Variants in PLCB2 observed in about 807,000 individuals in gnomAD.
PLCB2 encodes 1-phosphatidylinositol 4,5-bisphosphate phosphodiesterase beta-2.
Under a neutral mutation model 141.7 loss-of-function variants are expected in PLCB2, and 115 were observed. The observed-to-expected ratio is 0.81, with a 90% CI of 0.70 to 0.95. PLCB2 has a LOEUF of 0.95. PLCB2 is among the 40% of genes least tolerant of loss of function. The pLI, the probability that PLCB2 is intolerant of heterozygous loss-of-function variation, is 0.00. For synonymous variants in PLCB2, 603 were observed against 595.6 expected, an observed-to-expected ratio of 1.01 and a Z score of -0.18; for missense variants, 1,403 against 1,541.1, an observed-to-expected ratio of 0.91 and a Z score of 1.50.
downstream of PLCB2, among the ~76,000 whole-genome samples, chr15:40,284,892 G>A (rs1238431075): frequency 1.3e-5 from 2 of 150,804 alleles, no homozygotes; most frequent in African/African-American, 4.9e-5. Context: ...GGTTCTGGAG[G>A]CAAAGGCTTG....
intron 24 of PLCB2, 61 bp from the exon 25 acceptor site, chr15:40,291,711 T>C (rs1595638276): frequency 6.2e-7 from 1 of 1,606,242 alleles, no homozygotes; most frequent in Non-Finnish European, 8.5e-7. Context: ...TCCGTTCGCC[T>C]CCTCCACACC....
At chr15:40,290,699 TG>T in intron 28 of PLCB2, 27 bp from the exon 29 acceptor site, 4 of 1,611,894 alleles carry the variant, frequency 2.5e-6, no homozygotes, top group Non-Finnish European at 3.4e-6. Context: ...ATGAAGGAGC[TG>T]TTTTGTGCGG....
In PLCB2 at chr15:40,303,280, A is replaced by G. The variant is rs371517405; in HGVS notation, c.231+8T>C. 3.7e-6 allele frequency: 6 copies of G among 1,607,006 alleles called. No individual in the cohort carries two copies. The highest frequency in any genetic ancestry group is 5.1e-6 in the Non-Finnish European group (6 of 1,173,654). On this transcript the variant is annotated splice_region_variant and intron_variant, in intron 3 of 31. Coordinates refer to ENST00000260402, the MANE Select transcript of PLCB2 (RefSeq NM_004573.3). ...GCTTGAGCCTGGGCTGCTACTGGACACACCTACCTTGGGCATCTTGGCAAA... is the reference window on the plus strand; with the variant it reads ...GCTTGAGCCTGGGCTGCTACTGGACGCACCTACCTTGGGCATCTTGGCAAA...
chr15:40,307,110 GC>G (rs1440909921), intron 1 of PLCB2, among the ~76,000 whole-genome samples: 3 of 152,178 alleles, frequency 2.0e-5, no homozygotes, highest in Non-Finnish European at 4.4e-5. Context: ...TTTTGTGGCT[GC>G]CCCCACAGCA....
In PLCB2 at chr15:40,302,007, G is replaced by A. The variant is rs577044557; in HGVS notation, c.532C>T (p.Arg178Cys). Reference sequence around the variant, plus strand: ...CTGAGAGCAGCTTCCACCCGCTTGCGGTCAGCAGGAAACATCTGGAAAAAG... The same window carrying A: ...CTGAGAGCAGCTTCCACCCGCTTGCAGTCAGCAGGAAACATCTGGAAAAAG... ...KNFFQMFPAD[R>C]KRVEAALSAC... The change falls in exon 7 of 32, where the codon CGC becomes TGC. Residue 178 changes from arginine (R) to cysteine (C), a missense_variant. Arg to Cys is a radical substitution (Grantham distance 180). Around this residue, in one of 4 missense-constraint regions of PLCB2, gnomAD observed 975 missense variants for 1,141.1 expected, o/e 0.85. Coordinates refer to ENST00000260402, the MANE Select transcript of PLCB2 (RefSeq NM_004573.3). The A allele has an allele frequency of 4.3e-6, 7 of 1,614,154 alleles. No individual in the cohort carries two copies. Among genetic ancestry groups the A allele is most frequent in the South Asian group, 2.2e-5 (2 of 91,082 alleles).
intron 16 of PLCB2, among the ~76,000 whole-genome samples, chr15:40,295,770 G>A (rs2040177670): frequency 6.6e-6 from 1 of 152,124 alleles, no homozygotes; most frequent in Admixed American, 6.5e-5. Context: ...AGAAGTTAGT[G>A]CTACAGAAGT....
At chr15:40,300,438 A>G (rs2040447039) in intron 7 of PLCB2, among the ~76,000 whole-genome samples, 1 of 152,268 alleles carries the variant, frequency 6.6e-6, no homozygotes, top group Admixed American at 6.5e-5. Flanking sequence ...TATATACCCA[A>G]GAGAATTTAC....
In PLCB2 at chr15:40,291,608, G is replaced by A. The variant is rs757060414; in HGVS notation, c.2645C>T (p.Ala882Val). 4 of 1,613,276 alleles carry A rather than the reference G, an allele frequency of 2.5e-6. No individual in the cohort carries two copies. In the South Asian group the frequency reaches 3.3e-5, roughly 13 times the overall value. ...GAREEAMKEA[A>V]EPRTASLEEL... The stretch of plus-strand genomic sequence containing the variant: ...TCACCGGGCTCAGCAGGCCTTACCC[G>A]CAGCTTCTTTCATAGCCTCTTCCCT... Residue 882 changes from alanine (A) to valine (V), a missense_variant and splice_region_variant, in exon 25 of 32, where the codon GCG (alanine) becomes GTG (valine). Physicochemically the swap from Ala to Val is moderately conservative, Grantham distance 64. Transcript: ENST00000260402.
In PLCB2 at chr15:40,291,388, C is replaced by G. The variant is rs2039911414; in HGVS notation, c.2747G>C (p.Gly916Ala). ...CAGCAGCTCCTCCCAGCGCCGCGCT[C>G]CGCGCCGCTCCAACTCTCGCAGCTC... ...EKELRELERR[G>A]ARRWEELLQR... Residue 916 changes from glycine (G) to alanine (A), a missense_variant, in exon 26 of 32, where the codon GGA becomes GCA. This residue lies in a region of PLCB2 where 290 missense variants were observed against 245.9 expected (regional missense o/e 1.18). Transcript: ENST00000260402. 1 of 1,533,840 alleles carries G rather than the reference C, an allele frequency of 6.5e-7. No homozygotes were observed. The highest frequency in any genetic ancestry group is 1.2e-5 in the South Asian group (1 of 83,968).
chr15:40,288,969 A>G (rs1310746077), intron 31 of PLCB2, 51 bp from the exon 32 acceptor site: 1 of 1,595,756 alleles, frequency 6.3e-7, no homozygotes, highest in South Asian at 1.1e-5. Flanking sequence ...CCTGCTGGCC[A>G]CCCTCGCTCC....
chr15:40,297,876 C>T lies in PLCB2; in HGVS notation c.1238+1G>A, dbSNP rs371919575. ...GTGGCTGAATGGGCCTGGATACGCA[C>T]GAGTCCACATGGTTCTCAAACGACA... On this transcript the variant is annotated splice_donor_variant, in intron 12 of 31. Transcript: ENST00000260402. LOFTEE classifies it high-confidence loss of function. This position sits in a 1 kb window ranked among gnomAD's most constrained non-coding sequence, Gnocchi z 4.2. 5.6e-6 allele frequency: 9 copies of T among 1,611,558 alleles called. No homozygotes were observed. Among genetic ancestry groups the T allele is most frequent in the East Asian group, 2.2e-5 (1 of 44,878 alleles).
At position 40,290,350 on chromosome 15, in the gene PLCB2, C is replaced by T. The variant is rs142460261; in HGVS notation, c.3209+227G>A. On this transcript the variant is annotated intron_variant, in intron 29 of 31. Coordinates refer to ENST00000260402, the MANE Select transcript of PLCB2 (RefSeq NM_004573.3). ...AGGCTACAATCCCAAGGCCTCAGCT[C>T]CCTCCCTGCAGGCTTGGCTGCCTCC... Among the ~76,000 whole-genome samples, 294 of 152,342 alleles carry T rather than the reference C, an allele frequency of 1.9e-3. 2 individuals carry two copies. The highest frequency in any genetic ancestry group is 6.7e-3 in the African/African-American group (277 of 41,574).
At position 40,298,562 on chromosome 15, in the gene PLCB2, C is replaced by T; in HGVS notation, c.997G>A (p.Ala333Thr). ...TGGCACCAATGTTATCAGGGCCCACCTGTCAGGTAGGTGTTGTGGGACGAG... is the reference window on the plus strand; with the variant it reads ...TGGCACCAATGTTATCAGGGCCCACTTGTCAGGTAGGTGTTGTGGGACGAG... ...INSSHNTYLTAGQFSGLSSAE... is the reference protein window; with the variant it reads ...INSSHNTYLTTGQFSGLSSAE... Residue 333 changes from alanine to threonine, a missense_variant and splice_region_variant, in exon 10 of 32, where the codon GCC becomes ACC. Ala to Thr is a moderately conservative substitution (Grantham distance 58). Coordinates refer to ENST00000260402, the MANE Select transcript of PLCB2 (RefSeq NM_004573.3). 1 of 1,614,224 alleles carries T rather than the reference C, an allele frequency of 6.2e-7. No homozygotes were observed. The highest frequency in any genetic ancestry group is 8.5e-7 in the Non-Finnish European group (1 of 1,180,026).
chr15:40,288,987 G>A, intron 31 of PLCB2, 69 bp from the exon 32 acceptor site: 1 of 1,573,164 alleles, frequency 6.4e-7, no homozygotes, highest in South Asian at 1.2e-5. Context: ...TCCCTGGACA[G>A]TGGGAACAGG....
At position 40,306,730 on chromosome 15, in the gene PLCB2, T is replaced by C. The variant is rs1123486; in HGVS notation, c.84+859A>G. ...GGACAAGTCAGCACTAAGGGCTGTC[T>C]TCCCTCCCCCACCAAGCCTTCATTT... On this transcript the variant is annotated intron_variant, in intron 1 of 31. Coordinates refer to ENST00000260402, the MANE Select transcript of PLCB2 (RefSeq NM_004573.3). Among the ~76,000 whole-genome samples the C allele has an allele frequency of 8.4e-3, 1,274 of 152,272 alleles. 11 individuals are homozygous for C. The highest frequency in any genetic ancestry group is 0.041 in the South Asian group (197 of 4,820).
downstream of PLCB2, among the ~76,000 whole-genome samples, chr15:40,286,667 C>T (rs2039616423): frequency 1.3e-5 from 2 of 152,194 alleles, no homozygotes; most frequent in African/African-American, 4.8e-5. Context: ...TGCCCCAGTA[C>T]CCCAAGGGAA....
Position 40,302,285 on chromosome 15 carries a change from G to T in PLCB2, c.437C>A (p.Thr146Asn). ...HPLTANASRS[T>N]FLDKILVKLK... ...GGGCACTTACATCTTGTCCAGGAAG[G>T]TGCTGCGGGAGGCGTTGGCCGTCAG... The change falls in exon 5 of 32, where the codon ACC becomes AAC. Residue 146 changes from threonine (T) to asparagine (N), a missense_variant. Coordinates refer to ENST00000260402, the MANE Select transcript of PLCB2 (RefSeq NM_004573.3). The T allele has an allele frequency of 1.2e-6, 2 of 1,614,196 alleles. No homozygotes were observed. Among genetic ancestry groups the T allele is most frequent in the Non-Finnish European group, 1.7e-6 (2 of 1,180,018 alleles).
At chr15:40,304,129 C>G in intron 1 of PLCB2, 51 bp from the exon 2 acceptor site, 1 of 1,321,070 alleles carries the variant, frequency 7.6e-7, no homozygotes, top group African/African-American at 1.4e-5. Flanking sequence ...GGCCAAGCCT[C>G]CCTGGTCCAG....
chr15:40,303,307 T>A lies in PLCB2; in HGVS notation c.212A>T (p.Lys71Met), dbSNP rs537249891. The change falls in exon 3 of 32, where the codon AAG becomes ATG. Residue 71 changes from lysine (K) to methionine (M), a missense_variant. Physicochemically the swap from Lys to Met is moderately conservative, Grantham distance 95. Coordinates refer to ENST00000260402, the MANE Select transcript of PLCB2 (RefSeq NM_004573.3). Reference sequence around the variant, plus strand: ...ACCTACCTTGGGCATCTTGGCAAACTTCCCAAAGCGAGTATCCCGGATGCT... The same window carrying A: ...ACCTACCTTGGGCATCTTGGCAAACATCCCAAAGCGAGTATCCCGGATGCT... Reference protein sequence around the residue: ...ITSIRDTRFGKFAKMPKSQKL... With the variant: ...ITSIRDTRFGMFAKMPKSQKL... 19 of 1,613,740 alleles carry A rather than the reference T, an allele frequency of 1.2e-5. No individual in the cohort carries two copies. In the East Asian group the frequency reaches 4.2e-4, roughly 36 times the overall value.
Sources: gnomAD v4.1 joint callset for allele counts (sites outside exome capture counted in the v4.1 genomes callset) on GRCh38, gnomAD v4.1.1 for gene constraint, gnomAD v4.1.1 regional missense constraint, Gnocchi (gnomAD v3.1) non-coding constraint, MANE v1.5 for transcripts, NCBI Gene and HGNC (gene_info 2026-07-23, HGNC 2026-07-21) for gene names.